ADAMTS2: variants seen among roughly 807,000 people sequenced by gnomAD.
ADAMTS2 encodes the protein ADAM metallopeptidase with thrombospondin type 1 motif 2, also known as A disintegrin and metalloproteinase with thrombospondin motifs 2.
A neutral mutation model predicts 123.0 loss-of-function variants in ADAMTS2; 50 were observed. That is an observed-to-expected ratio of 0.41 (90% CI 0.32 to 0.51). ADAMTS2 has a LOEUF of 0.51. ADAMTS2 is among the 20% of genes least tolerant of loss of function. The pLI is 0.35. For missense variants in ADAMTS2, 1,494 were observed against 1,705.2 expected (o/e 0.88, Z 2.18); for synonymous variants, 678 against 695.4 (o/e 0.98, Z 0.39).
At chr5:179,136,069 C>T (rs1161697551) in intron 12 of ADAMTS2, 27 bp from the exon 13 acceptor site, 1 of 1,613,060 alleles carries the variant, frequency 6.2e-7, no homozygotes, top group Non-Finnish European at 8.5e-7. Context: ...TGGGGGTCTG[C>T]AAGGAGCCCT....
intron 12 of ADAMTS2, 70 bp downstream of exon 12, chr5:179,137,699 C>T: frequency 1.3e-6 from 2 of 1,517,338 alleles, no homozygotes; most frequent in Non-Finnish European, 1.8e-6. Context: ...ATCAGAGGCA[C>T]AAGCCCCCAC....
At chr5:179,210,163 A>T (rs553998567) in intron 3 of ADAMTS2, among the ~76,000 whole-genome samples, 6 of 152,216 alleles carry the variant, frequency 3.9e-5, no homozygotes, top group Non-Finnish European at 7.3e-5. Flanking sequence ...GACAAAACAC[A>T]CAGGGCTTGG....
Position 179,170,158 on chromosome 5 carries a change from G to C in ADAMTS2, c.975+10914C>G, listed in dbSNP as rs907309696. Among the ~76,000 whole-genome samples, 1 of 152,136 alleles carries C rather than the reference G, an allele frequency of 6.6e-6. No individual in the cohort carries two copies. The highest frequency in any genetic ancestry group is 2.4e-5 in the African/African-American group (1 of 41,420). ...AAAAATGTTGTTTTAGGAAAAACTT[G>C]AGATAACTCAGAGGCTTCTCATAAG... On this transcript the variant is annotated intron_variant, in intron 5 of 21. Transcript: ENST00000251582. This position sits in a 1 kb window ranked among gnomAD's most constrained non-coding sequence, Gnocchi z 4.3.
At chr5:179,326,201 CGT>C (rs60626964) in intron 2 of ADAMTS2, among the ~76,000 whole-genome samples, 42,320 of 148,324 alleles carry the variant, frequency 0.29, 6,026 homozygotes, top group Middle Eastern at 0.42. Context: ...TTTGTGTGTG[CGT>C]GTGTGTGTGT....
chr5:179,283,516 C>T (rs1755886192), intron 2 of ADAMTS2, among the ~76,000 whole-genome samples: 1 of 74,028 alleles, frequency 1.4e-5, no homozygotes, highest in African/African-American at 5.5e-5. Context: ...TGAAGGCAGA[C>T]CATATAGAAA....
At chr5:179,205,075 AT>A (rs1246746893) in intron 4 of ADAMTS2, among the ~76,000 whole-genome samples, 1 of 152,210 alleles carries the variant, frequency 6.6e-6, no homozygotes, top group Non-Finnish European at 1.5e-5. Flanking sequence ...CCTTCCCATT[AT>A]TCAAAATAGG....
chr5:179,241,252 G>C (rs1765662357), intron 3 of ADAMTS2, among the ~76,000 whole-genome samples: 1 of 152,218 alleles, frequency 6.6e-6, no homozygotes, highest in Non-Finnish European at 1.5e-5. Flanking sequence ...CAGGGACAGA[G>C]TGCAAGGTGC....
chr5:179,182,915 G>A (rs1764080564), intron 4 of ADAMTS2, among the ~76,000 whole-genome samples: 1 of 152,162 alleles, frequency 6.6e-6, no homozygotes, highest in Non-Finnish European at 1.5e-5. Flanking sequence ...GAGCTCCGAG[G>A]AGGGCACCCA....
chr5:179,115,465 G>A lies in ADAMTS2; in HGVS notation c.3179-1141C>T, dbSNP rs369880030. Reference sequence around the variant, plus strand: ...CACTGACCTCCGTGAGCCCAACACCGCCTGTTGTGGTCTCTGCTCAGCTGC... The same window carrying A: ...CACTGACCTCCGTGAGCCCAACACCACCTGTTGTGGTCTCTGCTCAGCTGC... On this transcript the variant is annotated intron_variant, in intron 21 of 21. Transcript: ENST00000251582. This position sits in a 1 kb window ranked among gnomAD's most constrained non-coding sequence, Gnocchi z 4.4. 4.6e-5 allele frequency among the ~76,000 whole-genome samples: 7 copies of A among 152,194 alleles called. No individual in the cohort carries two copies. The South Asian group carries it at 8.3e-4, about 18-fold the overall frequency.
intron 3 of ADAMTS2, among the ~76,000 whole-genome samples, chr5:179,229,369 TTCCACAAACACGAGACCCCGCTGCCCAC>T (rs70997670): frequency 0.092 from 4,557 of 49,366 alleles, 482 homozygotes; most frequent in South Asian, 0.11. Context: ...GGAGAGGTAA[TTCCACAAACACGAGACCCCGCTGCCCAC>T]TCCACAAACA....
At chr5:179,120,780 C>G (rs1336083018) in intron 21 of ADAMTS2, 1 of 152,238 alleles carries the variant, frequency 6.6e-6, no homozygotes, top group African/African-American at 2.4e-5. Flanking sequence ...GAGAAGCCGT[C>G]TGCACTTGGA....
rs754546319 is a variant in ADAMTS2, at chr5:179,155,018, A to G, written c.1133-99T>C. 2.8e-6 allele frequency: 3 copies of G among 1,080,408 alleles called. No individual in the cohort carries two copies. The highest frequency in any genetic ancestry group is 3.1e-5 in the African/African-American group (2 of 64,016). 66.9% of individuals were successfully genotyped at this position (1,080,408 alleles called of 1,614,324 possible). On this transcript the variant is annotated intron_variant, in intron 6 of 21. Coordinates refer to ENST00000251582, the MANE Select transcript of ADAMTS2 (RefSeq NM_014244.5). This position sits in a 1 kb window ranked among gnomAD's most constrained non-coding sequence, Gnocchi z 5.1. ...AGGCGCTGCTTCTCCTCAAGGCCCC[A>G]ATGCCCTCTCTACCACAGGCAACTG...
intron 4 of ADAMTS2, among the ~76,000 whole-genome samples, chr5:179,186,562 G>A (rs1375403023): frequency 1.3e-5 from 2 of 152,152 alleles, no homozygotes; most frequent in South Asian, 2.1e-4. Flanking sequence ...GCCCAGCCCT[G>A]GCCAGAGGCC....
In ADAMTS2 at chr5:179,344,071, G is replaced by C; in HGVS notation, c.230C>G (p.Ala77Gly). ...QGRLVSHVVSAATSRAGVRAR... is the reference protein window; with the variant it reads ...QGRLVSHVVSGATSRAGVRAR... ...TCGTACCCCTGCTCTGGACGTAGCT[G>C]CCGACACCACGTGGGACACCAAGCG... The change falls in exon 2 of 22, where the codon GCA (alanine) becomes GGA (glycine). Residue 77 changes from alanine to glycine, a missense_variant. By Grantham distance (60) the Ala-to-Gly change is moderately conservative. Transcript: ENST00000251582. 1 of 1,611,504 alleles carries C rather than the reference G, an allele frequency of 6.2e-7. No homozygotes were observed.
intron 3 of ADAMTS2, among the ~76,000 whole-genome samples, chr5:179,237,293 T>C (rs1198332121): frequency 6.6e-6 from 1 of 151,990 alleles, no homozygotes; most frequent in Non-Finnish European, 1.5e-5. Flanking sequence ...AATGTAGAAA[T>C]AACATAAAAG....
Position 179,113,713 on chromosome 5 carries a change from G to A in ADAMTS2, c.*154C>T. 4 of 782,580 alleles carry A rather than the reference G, an allele frequency of 5.1e-6. No individual in the cohort carries two copies. The highest frequency in any genetic ancestry group is 8.5e-6 in the Non-Finnish European group (4 of 470,312). 48.5% of individuals were successfully genotyped at this position (782,580 alleles called of 1,614,324 possible). On this transcript the variant is annotated 3_prime_UTR_variant, in exon 22 of 22. Coordinates refer to ENST00000251582, the MANE Select transcript of ADAMTS2 (RefSeq NM_014244.5). The stretch of plus-strand genomic sequence containing the variant: ...GCTAACCTAGTTACCACATGCTCAT[G>A]CCTATCTTTCTTACGTCATTCCCCC...
rs906077517 is a variant in ADAMTS2 at position 179,185,087 on chromosome 5, G to C, written c.892-3932C>G. 6.6e-6 allele frequency among the ~76,000 whole-genome samples: 1 copy of C among 152,184 alleles called. No homozygotes were observed. Among genetic ancestry groups the C allele is most frequent in the Admixed American group, 6.5e-5 (1 of 15,282 alleles). ...CAGCGAGGCACCTTCCAAGCACAGAGGGGATGTGGAAGGGATGCCCCAGCA... is the reference window on the plus strand; with the variant it reads ...CAGCGAGGCACCTTCCAAGCACAGACGGGATGTGGAAGGGATGCCCCAGCA... On this transcript the variant is annotated intron_variant, in intron 4 of 21. Transcript: ENST00000251582. This position sits in a 1 kb window ranked among gnomAD's most constrained non-coding sequence, Gnocchi z 5.9.
chr5:179,274,794 G>A (rs464062), intron 2 of ADAMTS2, among the ~76,000 whole-genome samples: 63 of 152,344 alleles, frequency 4.1e-4, no homozygotes, highest in Non-Finnish European at 8.1e-4. Flanking sequence ...CTGGGCCCTC[G>A]GGAAGCTGAT....
At chr5:179,223,220 AC>A (rs1186849810) in intron 3 of ADAMTS2, among the ~76,000 whole-genome samples, 1 of 152,250 alleles carries the variant, frequency 6.6e-6, no homozygotes, top group Non-Finnish European at 1.5e-5. Flanking sequence ...CTCCTCAGAC[AC>A]ATGCACACAC....
Sources: gnomAD v4.1 joint callset for allele counts (sites outside exome capture counted in the v4.1 genomes callset) on GRCh38, gnomAD v4.1.1 for gene constraint, Gnocchi (gnomAD v3.1) non-coding constraint, MANE v1.5 for transcripts, NCBI Gene and HGNC (gene_info 2026-07-23, HGNC 2026-07-21) for gene names.